The following BMERB1 variants were observed in gnomAD, a reference collection of about 807,000 sequenced individuals.
BMERB1 encodes bMERB domain containing 1.
BMERB1 carries 12 observed loss-of-function variants against 23.6 expected under a neutral mutation model. That is an observed-to-expected ratio of 0.51 (90% confidence interval 0.33 to 0.82). The LOEUF (loss-of-function observed/expected upper bound fraction) is 0.82, where lower values mean the gene tolerates loss of function less well. BMERB1 is among the 40% of genes least tolerant of loss of function. The pLI, the probability that BMERB1 is intolerant of heterozygous loss-of-function variation, is 0.03. For missense variants in BMERB1, 247 were observed against 255.4 expected, an observed-to-expected ratio of 0.97 and a Z score of 0.22; for synonymous variants, 122 against 96.6, an observed-to-expected ratio of 1.26 and a Z score of -1.54.
chr16:15,576,046 T>TC lies in BMERB1; in HGVS notation c.305-5171_305-5170insC, dbSNP rs1375990419. On this transcript the variant is annotated intron_variant, in intron 3 of 5. Coordinates refer to ENST00000300006, the MANE Select transcript of BMERB1 (RefSeq NM_033201.3). ...CATCTCAGCATTAGTAATTTTTTTT[T>TC]TTTTTTTTTTGAGACAGAGTCTTGC... Among the ~76,000 whole-genome samples the TC allele has an allele frequency of 2.0e-5, 3 of 148,440 alleles. No individual in the cohort carries two copies. The East Asian group carries it at 5.8e-4, about 29-fold the overall frequency.
chr16:15,542,516 C>T (rs1013759076), intron 2 of BMERB1, among the ~76,000 whole-genome samples: 3 of 152,026 alleles, frequency 2.0e-5, no homozygotes, highest in South Asian at 2.1e-4. Context: ...AAAAGACAGT[C>T]CTATCGCTCA....
At chr16:15,468,145 T>C (rs1279788936) in intron 1 of BMERB1, among the ~76,000 whole-genome samples, 2 of 76,604 alleles carry the variant, frequency 2.6e-5, no homozygotes, top group East Asian at 3.4e-4. Context: ...CTTTTTTTTT[T>C]TTTTTTTTTT....
rs1033625792 is a variant in BMERB1, at chr16:15,575,157, C to T, written c.305-6060C>T. Reference sequence around the variant, plus strand: ...GCATCCCTGGCCCATGGGTGTGACTCCCTCCAGGCCTCTCTGGAAGACACT... The same window carrying T: ...GCATCCCTGGCCCATGGGTGTGACTTCCTCCAGGCCTCTCTGGAAGACACT... On this transcript the variant is annotated intron_variant, in intron 3 of 5. Coordinates refer to ENST00000300006, the MANE Select transcript of BMERB1 (RefSeq NM_033201.3). Among the ~76,000 whole-genome samples the T allele has an allele frequency of 1.4e-4, 21 of 152,122 alleles. 1 individual carries two copies. Among genetic ancestry groups the T allele is most frequent in the Admixed American group, 4.6e-4 (7 of 15,276 alleles).
intron 2 of BMERB1, among the ~76,000 whole-genome samples, chr16:15,549,741 A>C (rs996638064): frequency 6.6e-6 from 1 of 151,986 alleles, no homozygotes; most frequent in African/African-American, 2.4e-5. Flanking sequence ...CACATGAAAC[A>C]ATCAGGGGAC....
chr16:15,572,016 G>A (rs2030741486), intron 3 of BMERB1, among the ~76,000 whole-genome samples: 1 of 152,098 alleles, frequency 6.6e-6, no homozygotes, highest in African/African-American at 2.4e-5. Context: ...TTTTTCCCAG[G>A]TGCCTCCTCG....
intron 5 of BMERB1, among the ~76,000 whole-genome samples, chr16:15,585,760 C>T (rs904557188): frequency 3.3e-5 from 5 of 151,996 alleles, no homozygotes; most frequent in Non-Finnish European, 7.4e-5. Context: ...ACCCAGGATG[C>T]GGAGGTTGCA....
Position 15,570,827 on chromosome 16 carries a change from C to A in BMERB1, c.304+2771C>A, listed in dbSNP as rs552573790. ...GGGCAATTCCCACAACTGAGGGTTCCTCCCCTTTTTAGACCATGTAGGGTA... is the reference window on the plus strand; with the variant it reads ...GGGCAATTCCCACAACTGAGGGTTCATCCCCTTTTTAGACCATGTAGGGTA... On this transcript the variant is annotated intron_variant, in intron 3 of 5. Transcript: ENST00000300006. Among the ~76,000 whole-genome samples, 27 of 152,036 alleles carry A rather than the reference C, an allele frequency of 1.8e-4. No homozygotes were observed. The East Asian group carries it at 4.8e-3, about 27-fold the overall frequency.
At chr16:15,473,179 A>C (rs1567459712) in intron 1 of BMERB1, among the ~76,000 whole-genome samples, 2 of 151,896 alleles carry the variant, frequency 1.3e-5, no homozygotes, top group South Asian at 4.1e-4. Context: ...CTTTAAAAAA[A>C]ATTATTATTG....
At chr16:15,482,904 C>T (rs1461947581) in intron 1 of BMERB1, among the ~76,000 whole-genome samples, 1 of 152,058 alleles carries the variant, frequency 6.6e-6, no homozygotes, top group East Asian at 1.9e-4. Flanking sequence ...TGGGGGAGAT[C>T]TGTTATTATA....
At chr16:15,521,956 C>T (rs565805195) in intron 2 of BMERB1, among the ~76,000 whole-genome samples, 2 of 152,282 alleles carry the variant, frequency 1.3e-5, no homozygotes, top group South Asian at 2.1e-4. Flanking sequence ...CTCATTTTCT[C>T]GCCTTCCTTC....
chr16:15,519,848 C>T (rs2051827889), intron 2 of BMERB1, among the ~76,000 whole-genome samples: 1 of 152,062 alleles, frequency 6.6e-6, no homozygotes, highest in Admixed American at 6.6e-5. Context: ...TCCTCTTTTC[C>T]TGCCACGACA....
intron 2 of BMERB1, among the ~76,000 whole-genome samples, chr16:15,540,037 C>A (rs1186237788): frequency 6.6e-6 from 1 of 151,730 alleles, no homozygotes; most frequent in Non-Finnish European, 1.5e-5. Context: ...CCTGTAGTAC[C>A]CCCAGCTACC....
chr16:15,493,216 G>A (rs768953483), intron 1 of BMERB1, among the ~76,000 whole-genome samples: 3 of 151,796 alleles, frequency 2.0e-5, no homozygotes, highest in Non-Finnish European at 2.9e-5. Context: ...GCCAGGCGTG[G>A]TGGTGCATGC....
chr16:15,490,012 G>A lies in BMERB1; in HGVS notation c.107-25293G>A, dbSNP rs147432389. ...CTTCCGAGTAGCTGGGACTACAGGC[G>A]CCCGCCCTCATCCGGCTAATTTTTT... On this transcript the variant is annotated intron_variant, in intron 1 of 5. Coordinates refer to ENST00000300006, the MANE Select transcript of BMERB1 (RefSeq NM_033201.3). 1.8e-4 allele frequency among the ~76,000 whole-genome samples: 27 copies of A among 151,800 alleles called. 1 individual carries two copies. The East Asian group carries it at 4.5e-3, about 25-fold the overall frequency.
intron 4 of BMERB1, among the ~76,000 whole-genome samples, chr16:15,582,316 A>G (rs1223849517): frequency 6.6e-6 from 1 of 151,988 alleles, no homozygotes; most frequent in East Asian, 1.9e-4. Context: ...GGAAACAATC[A>G]TTTGAACCCA....
chr16:15,563,293 C>T (rs28536071), intron 2 of BMERB1, among the ~76,000 whole-genome samples: 15,930 of 151,920 alleles, frequency 0.1, 2,554 homozygotes, highest in African/African-American at 0.34. Context: ...CAATCTTGGC[C>T]CGCTGCAACC....
chr16:15,502,630 G>A (rs545210362), intron 1 of BMERB1, among the ~76,000 whole-genome samples: 2 of 152,300 alleles, frequency 1.3e-5, no homozygotes, highest in Admixed American at 6.5e-5. Flanking sequence ...TGACAACGAA[G>A]TCTAGAGTGC....
At chr16:15,446,195 A>G (rs1369692129) in intron 1 of BMERB1, among the ~76,000 whole-genome samples, 1 of 152,092 alleles carries the variant, frequency 6.6e-6, no homozygotes, top group Non-Finnish European at 1.5e-5. Context: ...GTTCAAGACC[A>G]GCCTGGGCAA....
At chr16:15,509,916 C>G (rs895709652) in intron 1 of BMERB1, among the ~76,000 whole-genome samples, 13 of 151,968 alleles carry the variant, frequency 8.6e-5, no homozygotes, top group African/African-American at 3.1e-4. Flanking sequence ...TAGGGTGGGC[C>G]CTAAATCTAA....
Sources: gnomAD v4.1 joint callset for allele counts (sites outside exome capture counted in the v4.1 genomes callset) on GRCh38, gnomAD v4.1.1 for gene constraint, MANE v1.5 for transcripts, NCBI Gene and HGNC (gene_info 2026-07-23, HGNC 2026-07-21) for gene names.